The following SYNE3 variants were observed in gnomAD, a reference collection of about 807,000 sequenced individuals.
SYNE3 encodes the protein nesprin-3.
A neutral mutation model predicts 111.2 loss-of-function variants in SYNE3; 100 were observed. The ratio of observed to expected loss-of-function variants is 0.90; its 90% CI spans 0.77 to 1.06. The LOEUF is 1.06. Ranked by LOEUF, SYNE3 falls within the 50% of genes least tolerant of loss-of-function variation. The pLI is 0.00. For missense variants in SYNE3, 1,160 were observed against 1,240.3 expected (o/e 0.94, Z 0.97); for synonymous variants, 547 against 533.9 (o/e 1.02, Z -0.34).
intron 4 of SYNE3, 33 bp from the exon 5 acceptor site, chr14:95,457,371 G>A (rs887475886): frequency 1.9e-6 from 3 of 1,607,328 alleles, no homozygotes; most frequent in Admixed American, 1.7e-5. Context: ...AGCCATGAGG[G>A]TCCCCAGCCC....
intron 1 of SYNE3, among the ~76,000 whole-genome samples, chr14:95,501,511 G>T (rs1890333949): frequency 6.6e-6 from 1 of 152,216 alleles, no homozygotes; most frequent in African/African-American, 2.4e-5. Context: ...CTAAGCTGGA[G>T]ACCTGCCCTC....
chr14:95,435,494 A>G (rs1421607576), intron 15 of SYNE3, among the ~76,000 whole-genome samples: 1 of 152,212 alleles, frequency 6.6e-6, no homozygotes, highest in African/African-American at 2.4e-5. Context: ...AGTGAGAAGT[A>G]GTTACATATG....
chr14:95,426,082 G>C (rs1297766801), intron 17 of SYNE3, among the ~76,000 whole-genome samples: 1 of 152,236 alleles, frequency 6.6e-6, no homozygotes, highest in East Asian at 1.9e-4. Flanking sequence ...GTGACAGAAA[G>C]ACGAAGAAAT....
At chr14:95,447,790 G>A (rs1426103479) in intron 8 of SYNE3, among the ~76,000 whole-genome samples, 1 of 152,218 alleles carries the variant, frequency 6.6e-6, no homozygotes, top group African/African-American at 2.4e-5. Flanking sequence ...TTATGTACTA[G>A]TTGGGAAGCT....
At chr14:95,457,361 A>G (rs374188263) in intron 4 of SYNE3, 23 bp from the exon 5 acceptor site, 65 of 1,610,178 alleles carry the variant, frequency 4.0e-5, no homozygotes, top group Non-Finnish European at 5.3e-5. Context: ...GAGAATCACC[A>G]GCCATGAGGG....
chr14:95,475,624 G>C, intron 2 of SYNE3, 54 bp downstream of exon 2: 1 of 1,379,310 alleles, frequency 7.3e-7, no homozygotes, highest in Non-Finnish European at 9.4e-7. Flanking sequence ...GTCTGAGGGC[G>C]GGGTGGGATG....
chr14:95,433,889 T>A (rs1192505885), intron 15 of SYNE3, among the ~76,000 whole-genome samples: 1 of 152,180 alleles, frequency 6.6e-6, no homozygotes, highest in African/African-American at 2.4e-5. Context: ...GGAGCGGGGC[T>A]ATAAATCCGG....
chr14:95,454,067 C>T (rs746288833), intron 6 of SYNE3, among the ~76,000 whole-genome samples: 3 of 152,258 alleles, frequency 2.0e-5, no homozygotes, highest in East Asian at 1.9e-4. Context: ...CTGACTTCAA[C>T]CTTTGCTGCA....
At chr14:95,440,103 C>A in intron 11 of SYNE3, 28 bp from the exon 12 acceptor site, 2 of 1,573,114 alleles carry the variant, frequency 1.3e-6, no homozygotes, top group Middle Eastern at 2.0e-4. Context: ...GAGCCCAGGG[C>A]ATCCTGAGTG....
chr14:95,509,302 C>T lies in SYNE3; in HGVS notation c.-15+7294G>A, dbSNP rs1281944929. On this transcript the variant is annotated intron_variant, in intron 1 of 17. Coordinates refer to ENST00000682763, the MANE Select transcript of SYNE3 (RefSeq NM_152592.6). ...ACAGGTGTCCAGGTGAGAAAGGCCA[C>T]GATGAGCTAGGGGCTTTATGGTCCT... 3.3e-5 allele frequency among the ~76,000 whole-genome samples: 5 copies of T among 152,116 alleles called. No individual in the cohort carries two copies. In the South Asian group the frequency reaches 1.0e-3, roughly 32 times the overall value.
At chr14:95,486,301 C>G (rs1328140863) in intron 1 of SYNE3, among the ~76,000 whole-genome samples, 1 of 152,250 alleles carries the variant, frequency 6.6e-6, no homozygotes, top group East Asian at 1.9e-4. Context: ...CTGCCTGCAC[C>G]TTCCTCAGTG....
At chr14:95,491,463 C>T (rs951928577) in intron 1 of SYNE3, among the ~76,000 whole-genome samples, 10 of 152,068 alleles carry the variant, frequency 6.6e-5, no homozygotes, top group Admixed American at 5.2e-4. Flanking sequence ...GGTGCCAAGA[C>T]AATTCAATGG....
chr14:95,475,313 G>A (rs1404982380), intron 2 of SYNE3, among the ~76,000 whole-genome samples: 3 of 152,220 alleles, frequency 2.0e-5, no homozygotes, highest in Non-Finnish European at 2.9e-5. Flanking sequence ...CCAGGCAGAA[G>A]CAGAGAAGGG....
chr14:95,492,563 C>G (rs1345053695), intron 1 of SYNE3, among the ~76,000 whole-genome samples: 1 of 152,278 alleles, frequency 6.6e-6, no homozygotes, highest in East Asian at 1.9e-4. Context: ...GTAGAACAGG[C>G]AAATTTACAG....
In SYNE3 at chr14:95,449,731, G is replaced by A. The variant is rs183780946; in HGVS notation, c.1449+200C>T. 6.0e-4 allele frequency: 583 copies of A among 972,074 alleles called. 3 individuals carry two copies. The African/African-American group carries it at 9.5e-3, about 16-fold the overall frequency. The allele number at this position is 972,074 out of a possible 1,614,324, so 60.2% of individuals were successfully genotyped here. A position where few individuals can be genotyped will look rare whatever the true frequency, so the allele number is the denominator to read the frequency against. On this transcript the variant is annotated intron_variant, in intron 8 of 17. Coordinates refer to ENST00000682763, the MANE Select transcript of SYNE3 (RefSeq NM_152592.6). ...TACGGAGCCCCGGGTTAACCCCCAGGAGCCGAGCTGACCTTTGTCAGTGTA... is the reference window on the plus strand; with the variant it reads ...TACGGAGCCCCGGGTTAACCCCCAGAAGCCGAGCTGACCTTTGTCAGTGTA...
At chr14:95,466,790 T>C (rs1247885625) in intron 3 of SYNE3, among the ~76,000 whole-genome samples, 3 of 152,234 alleles carry the variant, frequency 2.0e-5, no homozygotes, top group Non-Finnish European at 4.4e-5. Context: ...ATCCCCAGCC[T>C]GTCTCCCTGG....
intron 6 of SYNE3, among the ~76,000 whole-genome samples, chr14:95,454,189 G>T (rs1250065511): frequency 6.6e-6 from 1 of 152,256 alleles, no homozygotes; most frequent in Admixed American, 6.5e-5. Context: ...AGTCCCAGGG[G>T]GGATGGATCC....
chr14:95,448,269 G>T (rs1377913158), intron 8 of SYNE3, among the ~76,000 whole-genome samples: 1 of 151,770 alleles, frequency 6.6e-6, no homozygotes, highest in Non-Finnish European at 1.5e-5. Flanking sequence ...TGACACATAT[G>T]AAATTCACTC....
At chr14:95,473,559 A>G (rs187651182) in intron 2 of SYNE3, among the ~76,000 whole-genome samples, 1 of 152,128 alleles carries the variant, frequency 6.6e-6, no homozygotes, top group African/African-American at 2.4e-5. Flanking sequence ...CAACACATGG[A>G]CAAAGGCTTG....
Sources: allele counts gnomAD v4.1 joint callset (sites outside exome capture counted in the v4.1 genomes callset), GRCh38; gene constraint gnomAD v4.1.1; transcripts MANE v1.5; gene names NCBI Gene and HGNC (gene_info 2026-07-23, HGNC 2026-07-21).